Variants in COL4A5 observed in about 807,000 individuals in gnomAD.
COL4A5 encodes the protein collagen type IV alpha 5 chain, also known as collagen alpha-5(IV) chain.
COL4A5 carries 26 observed loss-of-function variants against 130.2 expected under a neutral mutation model. The observed-to-expected ratio is 0.20, with a 90% CI of 0.15 to 0.28. The LOEUF is 0.28. Ranked by LOEUF, COL4A5 falls within the 10% of genes least tolerant of loss-of-function variation. The probability of loss-of-function intolerance (pLI) is 1.00; values close to 1 mark genes in which losing one functional copy is unlikely to be tolerated. For synonymous variants in COL4A5, 496 were observed against 439.6 expected (o/e 1.13, Z -1.60); for missense variants, 1,131 against 1,344.3 (o/e 0.84, Z 2.48).
At chrX:108,627,380 A>T in intron 36 of COL4A5, 5 of 729,743 alleles carry the variant, frequency 6.9e-6, no homozygotes, top group Non-Finnish European at 4.9e-6. Flanking sequence ...TGTTCTATAC[A>T]TTTATATATA....
At chrX:108,657,046 T>G (rs1478585667) in intron 37 of COL4A5, among the ~76,000 whole-genome samples, 1 of 111,990 alleles carries the variant, frequency 8.9e-6, no homozygotes, top group East Asian at 2.8e-4. Flanking sequence ...GAATAGTGAT[T>G]TTTTTATCCA....
intron 36 of COL4A5, among the ~76,000 whole-genome samples, chrX:108,645,606 C>G (rs760590147): frequency 9.3e-6 from 1 of 107,521 alleles, no homozygotes; most frequent in African/African-American, 3.4e-5. Context: ...ATACTTTAAG[C>G]TTTAGGGTAC....
At chrX:108,521,275 G>A (rs1175129623) in intron 1 of COL4A5, among the ~76,000 whole-genome samples, 1 of 110,743 alleles carries the variant, frequency 9.0e-6, no homozygotes, top group Non-Finnish European at 1.9e-5. Context: ...GAATGCGTTG[G>A]AGGAAAATTT....
chrX:108,647,063 G>A (rs1233376493), intron 36 of COL4A5, among the ~76,000 whole-genome samples: 1 of 111,010 alleles, frequency 9.0e-6, no homozygotes, highest in Non-Finnish European at 1.9e-5. Flanking sequence ...TGGTGATGCA[G>A]GCTCTTTTTT....
At chrX:108,526,542 CCCTT>C (rs1174583311) in intron 1 of COL4A5, among the ~76,000 whole-genome samples, 3 of 100,260 alleles carry the variant, frequency 3.0e-5, no homozygotes, top group African/African-American at 7.3e-5. Context: ...CTCTCGCTCT[CCCTT>C]CCTTCCTTCC....
chrX:108,588,981 A>G (rs2066386584), intron 19 of COL4A5, among the ~76,000 whole-genome samples: 1 of 111,838 alleles, frequency 8.9e-6, no homozygotes, highest in Admixed American at 9.5e-5. Flanking sequence ...AAAAGAAAAA[A>G]GGGAATTCTG....
chrX:108,599,670 C>A (rs1483913958), intron 25 of COL4A5, among the ~76,000 whole-genome samples: 1 of 111,882 alleles, frequency 8.9e-6, no homozygotes, highest in Non-Finnish European at 1.9e-5. Flanking sequence ...GAACTACAGT[C>A]CATGGACCAC....
intron 1 of COL4A5, among the ~76,000 whole-genome samples, chrX:108,532,394 ACT>A (rs1280510966): frequency 2.7e-5 from 3 of 111,125 alleles, no homozygotes; most frequent in Admixed American, 1.9e-4. Context: ...CGTGATTGAA[ACT>A]CTCAACAAAC....
rs1257770960 is a variant in COL4A5 at position 108,531,826 on chromosome X, G to T, written c.82-7920G>T. The stretch of plus-strand genomic sequence containing the variant: ...ATGGACAACTATACACTGACACACT[G>T]GAAATCCTAGAAGAAATGGATAAAT... On this transcript the variant is annotated intron_variant, in intron 1 of 52. Transcript: ENST00000328300. Among the ~76,000 whole-genome samples the T allele has an allele frequency of 3.6e-5, 4 of 111,544 alleles. No homozygotes were observed. The East Asian group carries it at 1.1e-3, about 31-fold the overall frequency.
In COL4A5 at chrX:108,658,876, T is replaced by A. The variant is rs189370316; in HGVS notation, c.3373+3419T>A. 7.1e-4 allele frequency among the ~76,000 whole-genome samples: 79 copies of A among 111,286 alleles called. No homozygotes were observed. In the East Asian group the frequency reaches 0.02, roughly 28 times the overall value. On this transcript the variant is annotated intron_variant, in intron 37 of 52. Coordinates refer to ENST00000328300, the MANE Select transcript of COL4A5 (RefSeq NM_033380.3). ...TTTCGTAAGTGATTTTCTCTACCATTTGTTTTCTATTCCATTGATTTCTGC... is the reference window on the plus strand; with the variant it reads ...TTTCGTAAGTGATTTTCTCTACCATATGTTTTCTATTCCATTGATTTCTGC...
intron 13 of COL4A5, 104 bp downstream of exon 13, chrX:108,578,487 A>G: frequency 3.4e-6 from 2 of 590,949 alleles, no homozygotes; most frequent in Non-Finnish European, 5.9e-6. Flanking sequence ...AAAACATCAC[A>G]TTGTTTACAC....
chrX:108,531,436 A>G (rs2065385096), intron 1 of COL4A5, among the ~76,000 whole-genome samples: 1 of 110,140 alleles, frequency 9.1e-6, no homozygotes, highest in Non-Finnish European at 1.9e-5. Context: ...TAAACACAAC[A>G]TACATATTCA....
chrX:108,680,201 G>A (rs967638897), intron 44 of COL4A5, among the ~76,000 whole-genome samples: 1 of 112,107 alleles, frequency 8.9e-6, no homozygotes, highest in African/African-American at 3.2e-5. Flanking sequence ...GGCAGGGGGT[G>A]TGTTCAAGCC....
At chrX:108,468,212 C>T (rs955484632) in intron 1 of COL4A5, among the ~76,000 whole-genome samples, 6 of 111,330 alleles carry the variant, frequency 5.4e-5, no homozygotes, top group African/African-American at 1.3e-4. Context: ...ATCTTGTTGG[C>T]GGCACTCATA....
chrX:108,682,734 G>A (rs763790307), intron 47 of COL4A5, among the ~76,000 whole-genome samples: 1 of 111,349 alleles, frequency 9.0e-6, no homozygotes, highest in African/African-American at 3.3e-5. Flanking sequence ...CTTTTTGATG[G>A]GATTGTGGTT....
chrX:108,607,362 A>C (rs1001274795), intron 29 of COL4A5, among the ~76,000 whole-genome samples: 135 of 108,650 alleles, frequency 1.2e-3, no homozygotes, highest in Middle Eastern at 4.7e-3. Context: ...AAAAAAAAAA[A>C]AAAAACAATC....
chrX:108,466,756 C>G (rs1293651870), intron 1 of COL4A5, among the ~76,000 whole-genome samples: 1 of 106,740 alleles, frequency 9.4e-6, no homozygotes, highest in Admixed American at 9.9e-5. Context: ...GGTGGCACCA[C>G]ATGGCCAAGG....
intron 1 of COL4A5, among the ~76,000 whole-genome samples, chrX:108,534,783 G>A (rs1318324827): frequency 9.0e-6 from 1 of 111,181 alleles, no homozygotes; most frequent in Non-Finnish European, 1.9e-5. Flanking sequence ...ATGCAGTTAT[G>A]TTCTGCTGCA....
intron 1 of COL4A5, among the ~76,000 whole-genome samples, chrX:108,506,934 G>A (rs761060354): frequency 3.4e-4 from 38 of 110,853 alleles, no homozygotes; most frequent in Non-Finnish European, 5.1e-4. Context: ...CATCTTTTCA[G>A]TGGAGAGAGC....
Sources: allele counts gnomAD v4.1 joint callset (sites outside exome capture counted in the v4.1 genomes callset), GRCh38; gene constraint gnomAD v4.1.1; transcripts MANE v1.5; gene names NCBI Gene and HGNC (gene_info 2026-07-23, HGNC 2026-07-21).